MACROD1: variants seen among roughly 807,000 people sequenced by gnomAD.
MACROD1 encodes ADP-ribose glycohydrolase MACROD1.
In MACROD1, 31 loss-of-function variants were observed where a neutral mutation model predicts 41.4. That is an observed-to-expected ratio of 0.75 (90% CI 0.56 to 1.01). The LOEUF is 1.01. Among genes scored for constraint, MACROD1 ranks in the 50% least tolerant of loss-of-function variants. The pLI is 0.00. For synonymous variants in MACROD1, 252 were observed against 203.4 expected, an observed-to-expected ratio of 1.24 and a Z score of -2.03; for missense variants, 473 against 460.0, an observed-to-expected ratio of 1.03 and a Z score of -0.26.
chr11:64,061,286 C>T (rs1270054579), intron 3 of MACROD1, among the ~76,000 whole-genome samples: 1 of 152,208 alleles, frequency 6.6e-6, no homozygotes, highest in Non-Finnish European at 1.5e-5. Context: ...ATGGATGCTC[C>T]GCGCGCCGAC....
intron 3 of MACROD1, among the ~76,000 whole-genome samples, chr11:64,043,445 G>A (rs866808685): frequency 2.6e-5 from 4 of 152,156 alleles, no homozygotes; most frequent in African/African-American, 4.8e-5. Flanking sequence ...GACTCTAAAC[G>A]CCTGGTTGTG....
At chr11:63,999,472 C>T in intron 7 of MACROD1, 58 bp downstream of exon 7, 1 of 1,569,668 alleles carries the variant, frequency 6.4e-7, no homozygotes. Flanking sequence ...CGCCCCGGCC[C>T]CTCCCGGCGT....
At chr11:64,056,466 G>T (rs561058258) in intron 3 of MACROD1, among the ~76,000 whole-genome samples, 1 of 152,230 alleles carries the variant, frequency 6.6e-6, no homozygotes, top group African/African-American at 2.4e-5. Context: ...GAGCAGCTGC[G>T]GGAACAGGAG....
chr11:63,999,108 G>A (rs1942769928), intron 8 of MACROD1, 72 bp from the exon 9 acceptor site: 8 of 1,437,882 alleles, frequency 5.6e-6, no homozygotes, highest in Admixed American at 2.1e-5. Context: ...TGCCTGCCCT[G>A]GTGCAGGCTT....
intron 3 of MACROD1, among the ~76,000 whole-genome samples, chr11:64,017,965 C>T (rs1446167921): frequency 1.3e-5 from 2 of 152,196 alleles, no homozygotes; most frequent in South Asian, 2.1e-4. Flanking sequence ...GCCCACCTGG[C>T]GCCCCCAAAC....
At chr11:64,123,538 TG>T (rs1224492999) in intron 3 of MACROD1, among the ~76,000 whole-genome samples, 4 of 27,210 alleles carry the variant, frequency 1.5e-4, no homozygotes, top group East Asian at 1.5e-3. Context: ...ATGGGTGGGG[TG>T]GGGGGGTTGG....
chr11:64,139,699 G>A (rs1945383509), intron 3 of MACROD1, among the ~76,000 whole-genome samples: 1 of 151,450 alleles, frequency 6.6e-6, no homozygotes, highest in South Asian at 2.1e-4. Flanking sequence ...GCTCATGCCT[G>A]TAATCCCAGC....
At chr11:64,003,672 C>G (rs977667510) in intron 4 of MACROD1, among the ~76,000 whole-genome samples, 2 of 152,214 alleles carry the variant, frequency 1.3e-5, no homozygotes, top group Non-Finnish European at 2.9e-5. Context: ...GAAGAAGAAA[C>G]TGAGGCACAG....
intron 3 of MACROD1, among the ~76,000 whole-genome samples, chr11:64,027,256 T>C (rs1943234849): frequency 1.3e-5 from 2 of 152,172 alleles, no homozygotes; most frequent in African/African-American, 2.4e-5. Flanking sequence ...TCTCCCACAG[T>C]CATGGGGTGT....
rs1326176109 is a variant in MACROD1 at position 64,146,510 on chromosome 11, T to G, written c.517+4729A>C. ...CTCTCCCGGGTGCTACCCAAGCAAGTGGCCTCAGCTGGCAGCCCACGGGGA... is the reference window on the plus strand; with the variant it reads ...CTCTCCCGGGTGCTACCCAAGCAAGGGGCCTCAGCTGGCAGCCCACGGGGA... On this transcript the variant is annotated intron_variant, in intron 3 of 10. Coordinates refer to ENST00000255681, the MANE Select transcript of MACROD1 (RefSeq NM_014067.4). This position sits in a 1 kb window ranked among gnomAD's most constrained non-coding sequence, Gnocchi z 4.7. Among the ~76,000 whole-genome samples, 1 of 152,152 alleles carries G rather than the reference T, an allele frequency of 6.6e-6. No homozygotes were observed. The highest frequency in any genetic ancestry group is 2.1e-4 in the South Asian group (1 of 4,826).
In MACROD1 at chr11:64,097,365, G is replaced by A. The variant is rs139828500; in HGVS notation, c.517+53874C>T. Reference sequence around the variant, plus strand: ...CTGGCCAGAGCTGCCCACATGTGAAGGGAAGGAAGGAAGAAAATAAAGAAG... The same window carrying A: ...CTGGCCAGAGCTGCCCACATGTGAAAGGAAGGAAGGAAGAAAATAAAGAAG... On this transcript the variant is annotated intron_variant, in intron 3 of 10. Transcript: ENST00000255681. Among the ~76,000 whole-genome samples the A allele has an allele frequency of 2.1e-3, 320 of 152,374 alleles. 5 individuals are homozygous for A. In the Middle Eastern group the frequency reaches 0.034, roughly 16 times the overall value.
chr11:64,117,247 A>G (rs919080481), intron 3 of MACROD1: 4 of 1,614,050 alleles, frequency 2.5e-6, no homozygotes, highest in Non-Finnish European at 3.4e-6. Context: ...CTGCTCAGGA[A>G]CAACCCTTGG....
intron 3 of MACROD1, among the ~76,000 whole-genome samples, chr11:64,088,444 C>G (rs141862780): frequency 0.014 from 2,149 of 152,274 alleles, 50 homozygotes; most frequent in African/African-American, 0.047. Flanking sequence ...CCTGCAGGTG[C>G]GGCTGTGGGC....
At chr11:64,009,375 A>G (rs1191664562) in intron 4 of MACROD1, among the ~76,000 whole-genome samples, 1 of 152,184 alleles carries the variant, frequency 6.6e-6, no homozygotes, top group Non-Finnish European at 1.5e-5. Flanking sequence ...GCCTTCCTGA[A>G]GCAGACACAG....
chr11:64,057,448 G>A (rs1943810437), intron 3 of MACROD1, among the ~76,000 whole-genome samples: 1 of 152,198 alleles, frequency 6.6e-6, no homozygotes, highest in Non-Finnish European at 1.5e-5. Flanking sequence ...ACAGAGAGAG[G>A]CCAGACCCAG....
chr11:64,141,612 G>A (rs1310089105), intron 3 of MACROD1, among the ~76,000 whole-genome samples: 2 of 152,166 alleles, frequency 1.3e-5, no homozygotes, highest in Admixed American at 1.3e-4. Flanking sequence ...CAATTTAATG[G>A]TCCCCATTAA....
chr11:64,147,955 T>G (rs1334183939), intron 3 of MACROD1, among the ~76,000 whole-genome samples: 6 of 151,878 alleles, frequency 4.0e-5, no homozygotes, highest in South Asian at 4.2e-4. Flanking sequence ...GCCAGGCTGG[T>G]CTCAAACTCC....
chr11:64,118,112 CGGCCCT>C, intron 3 of MACROD1: 1 of 1,611,370 alleles, frequency 6.2e-7, no homozygotes. Context: ...TGGAAATCCG[CGGCCCT>C]GGGCTGCAGA....
intron 3 of MACROD1, among the ~76,000 whole-genome samples, chr11:64,059,068 A>G (rs750211817): frequency 1.2e-4 from 18 of 152,134 alleles, no homozygotes; most frequent in Non-Finnish European, 2.4e-4. Flanking sequence ...CCCAATTTGC[A>G]CTGGGGGAAA....
Sources: gnomAD v4.1 joint callset for allele counts (sites outside exome capture counted in the v4.1 genomes callset) on GRCh38, gnomAD v4.1.1 for gene constraint, Gnocchi (gnomAD v3.1) non-coding constraint, MANE v1.5 for transcripts, NCBI Gene and HGNC (gene_info 2026-07-23, HGNC 2026-07-21) for gene names.